GRK1: variants seen among roughly 807,000 people sequenced by gnomAD.
GRK1 encodes the protein rhodopsin kinase GRK1.
GRK1 carries 28 observed loss-of-function variants against 41.7 expected under a neutral mutation model. The ratio of observed to expected loss-of-function variants is 0.67; its 90% CI spans 0.50 to 0.92. The LOEUF (loss-of-function observed/expected upper bound fraction) is 0.92. Ranked by LOEUF, GRK1 falls within the 40% of genes least tolerant of loss-of-function variation. The pLI, the probability that GRK1 is intolerant of heterozygous loss-of-function variation, is 0.00. For missense variants in GRK1, 703 were observed against 671.2 expected, an observed-to-expected ratio of 1.05 and a Z score of -0.52; for synonymous variants, 327 against 286.7, an observed-to-expected ratio of 1.14 and a Z score of -1.42.
At chr13:113,733,543 G>A (rs1367731087) in intron 6 of GRK1, among the ~76,000 whole-genome samples, 3 of 131,774 alleles carry the variant, frequency 2.3e-5, no homozygotes, top group African/African-American at 5.2e-5. Flanking sequence ...GTGTGCATGC[G>A]TGTGCGCGCA....
At chr13:113,658,045 G>C in the GRK1 span, 4 of 1,603,424 alleles carry the variant, frequency 2.5e-6, no homozygotes, top group Admixed American at 1.7e-5. Context: ...CACCGGGACA[G>C]GGTGCGGCCC....
At chr13:113,650,346 C>T in the GRK1 span, 85 of 1,501,472 alleles carry the variant, frequency 5.7e-5, no homozygotes, top group African/African-American at 1.4e-4. This position sits in a 1 kb window ranked among gnomAD's most constrained non-coding sequence, Gnocchi z 5.0. Flanking sequence ...GCTTTCCTTT[C>T]GCTAAGTGTG....
chr13:113,650,170 A>G, the GRK1 span, among the ~76,000 whole-genome samples: 1 of 139,566 alleles, frequency 7.2e-6, no homozygotes, highest in Admixed American at 6.9e-5. This position sits in a 1 kb window ranked among gnomAD's most constrained non-coding sequence, Gnocchi z 5.0. Flanking sequence ...GACTGTCTCA[A>G]AAAAAAAAAA....
At chr13:113,730,167 G>A (rs36149740) in intron 4 of GRK1, among the ~76,000 whole-genome samples, 12,483 of 27,864 alleles carry the variant, frequency 0.45, 4,018 homozygotes, top group African/African-American at 0.68. Flanking sequence ...CCATCCCGAC[G>A]CAGTCCCCCA....
At chr13:113,670,993 G>A (rs188337686) in intron 2 of GRK1, among the ~76,000 whole-genome samples, 7 of 152,064 alleles carry the variant, frequency 4.6e-5, no homozygotes, top group South Asian at 2.1e-4. Flanking sequence ...GTGCCACCTC[G>A]TTTAAATTAT....
At chr13:113,649,663 TG>T in the GRK1 span, 1 of 1,077,996 alleles carries the variant, frequency 9.3e-7, no homozygotes, top group Non-Finnish European at 1.3e-6. The surrounding 1 kb of genome is among the most constrained non-coding windows in gnomAD (Gnocchi z 4.7). Flanking sequence ...AGACTGGCCC[TG>T]ACCGAGTGCA....
At chr13:113,668,164 G>A (rs2049832861) in intron 1 of GRK1, 79 bp downstream of exon 1, 1 of 1,427,098 alleles carries the variant, frequency 7.0e-7, no homozygotes. Flanking sequence ...GGGCCCCCAG[G>A]TCACTGTCGG....
the GRK1 span, among the ~76,000 whole-genome samples, chr13:113,656,202 G>T: frequency 6.6e-6 from 1 of 152,164 alleles, no homozygotes; most frequent in Non-Finnish European, 1.5e-5. Context: ...GGCCCTGCAG[G>T]TCCTGCCTCA....
intron 6 of GRK1, among the ~76,000 whole-genome samples, chr13:113,733,879 ATACGTGTG>A (rs758559248): frequency 5.1e-5 from 4 of 78,276 alleles, no homozygotes; most frequent in Admixed American, 1.4e-4. Context: ...GCGTGTGTGC[ATACGTGTG>A]TGCGTGTGTG....
the GRK1 span, chr13:113,651,523 G>T: frequency 1.2e-6 from 1 of 858,330 alleles, no homozygotes; most frequent in Non-Finnish European, 1.7e-6. Context: ...GCTCGCTGTG[G>T]TGATGGTTCG....
At chr13:113,654,241 A>G in the GRK1 span, among the ~76,000 whole-genome samples, 24 of 152,340 alleles carry the variant, frequency 1.6e-4, no homozygotes, top group Admixed American at 1.5e-3. Context: ...GTTTAAAATA[A>G]AAACCTTCAG....
At chr13:113,730,938 G>C (rs1487368440) in intron 4 of GRK1, among the ~76,000 whole-genome samples, 1 of 152,254 alleles carries the variant, frequency 6.6e-6, no homozygotes, top group Non-Finnish European at 1.5e-5. Context: ...GTCCCGCCCT[G>C]TGCCCAGCAC....
the GRK1 span, chr13:113,654,800 T>A: frequency 6.2e-7 from 1 of 1,612,580 alleles, no homozygotes; most frequent in East Asian, 2.2e-5. Flanking sequence ...GGGGGCAACA[T>A]CCCGGGCGCT....
Position 113,669,731 on chromosome 13 carries a change from G to A in GRK1, c.744G>A (p.Arg248=). ...EKKILMKVHS[R]FIVSLAYAFE... is the part of the protein sequence containing the mutation. The stretch of plus-strand genomic sequence containing the variant: ...AGATTCTGATGAAAGTACACAGCAG[G>A]TTCATCGTGTCTCTGGCCTATGCGT... The change falls in exon 2 of 7, where the codon AGG becomes AGA. Residue 248 remains arginine (R), a synonymous_variant. Coordinates refer to ENST00000335678, the MANE Select transcript of GRK1 (RefSeq NM_002929.3). 2 of 1,613,962 alleles carry A rather than the reference G, an allele frequency of 1.2e-6. No homozygotes were observed. The highest frequency in any genetic ancestry group is 1.3e-5 in the African/African-American group (1 of 75,030).
intron 6 of GRK1, among the ~76,000 whole-genome samples, chr13:113,733,521 A>ATGTGTGCC (rs1291089682): frequency 6.9e-6 from 1 of 144,384 alleles, no homozygotes; most frequent in Non-Finnish European, 1.5e-5. Flanking sequence ...GTGTGTGTGC[A>ATGTGTGCC]TGTGTGCGCG....
the GRK1 span, among the ~76,000 whole-genome samples, chr13:113,658,457 C>G: frequency 2.0e-5 from 3 of 152,250 alleles, no homozygotes; most frequent in African/African-American, 7.2e-5. Context: ...CCGGGGTGAG[C>G]AGCACTCACA....
chr13:113,666,736 G>T (rs779692657), upstream of GRK1, among the ~76,000 whole-genome samples: 25 of 152,104 alleles, frequency 1.6e-4, no homozygotes, highest in Non-Finnish European at 8.8e-5. Flanking sequence ...AAGCGCTGGT[G>T]GTCTCACCTA....
At position 113,667,650 on chromosome 13, in the gene GRK1, C is replaced by T. The variant is rs2049827725; in HGVS notation, c.264C>T (p.Leu88=). Residue 88 remains leucine, a synonymous_variant, in exon 1 of 7, where the codon CTC becomes CTT. Coordinates refer to ENST00000335678, the MANE Select transcript of GRK1 (RefSeq NM_002929.3). The surrounding 1 kb of genome is among the most constrained non-coding windows in gnomAD (Gnocchi z 7.5). ...SAEKHLPALE[L]WKDIEDYDTA... ...AGAAGCACCTGCCGGCCCTGGAGCT[C>T]TGGAAAGACATCGAGGACTATGACA... The T allele has an allele frequency of 6.2e-7, 1 of 1,613,598 alleles. No individual in the cohort carries two copies. The highest frequency in any genetic ancestry group is 1.3e-5 in the African/African-American group (1 of 75,054).
intron 4 of GRK1, among the ~76,000 whole-genome samples, chr13:113,729,626 C>T (rs535192555): frequency 7.9e-4 from 120 of 152,284 alleles, no homozygotes; most frequent in African/African-American, 2.8e-3. Flanking sequence ...CTGTCAGTGC[C>T]CAGTGCCTGG....
Sources: gnomAD v4.1 joint callset for allele counts (sites outside exome capture counted in the v4.1 genomes callset) on GRCh38, gnomAD v4.1.1 for gene constraint, Gnocchi (gnomAD v3.1) non-coding constraint, MANE v1.5 for transcripts, NCBI Gene and HGNC (gene_info 2026-07-23, HGNC 2026-07-21) for gene names.